The following CPEB2 variants were observed in gnomAD, a reference collection of about 807,000 sequenced individuals.
CPEB2 encodes cytoplasmic polyadenylation element binding protein 2, also known as cytoplasmic polyadenylation element-binding protein 2.
Under a neutral mutation model 93.6 loss-of-function variants are expected in CPEB2, and 56 were observed. The ratio of observed to expected loss-of-function variants is 0.60; its 90% CI spans 0.48 to 0.75. CPEB2 has a LOEUF of 0.75. CPEB2 is among the 30% of genes least tolerant of loss of function. The pLI, the probability that CPEB2 is intolerant of heterozygous loss-of-function variation, is 0.00. For missense variants in CPEB2, 1,579 were observed against 1,395.1 expected, an observed-to-expected ratio of 1.13 and a Z score of -2.10; for synonymous variants, 764 against 586.3, an observed-to-expected ratio of 1.30 and a Z score of -4.38.
In CPEB2 at chr4:15,004,331, AC is replaced by A; in HGVS notation, c.1660del (p.Gln554SerfsTer4). ...FLQQRNSYNH[H>X]QPLLKQSPWS... ...CAGCAGAGGAACTCCTATAACCACC[AC>A]CAGGTACGGCGGGCGGCGGCCTGGC... On this transcript the variant is annotated frameshift_variant, in exon 1 of 12. Coordinates refer to ENST00000538197, the MANE Select transcript of CPEB2 (RefSeq NM_001177382.2). LOFTEE classifies it high-confidence loss of function. 1 of 1,429,060 alleles carries A rather than the reference AC, an allele frequency of 7.0e-7. No individual in the cohort carries two copies. The highest frequency in any genetic ancestry group is 3.1e-5 in the East Asian group (1 of 32,072). The allele number at this position is 1,429,060 out of a possible 1,614,324, so 88.5% of individuals were successfully genotyped here. A position where few individuals can be genotyped will look rare whatever the true frequency, so the allele number is the denominator to read the frequency against.
At chr4:15,065,272 C>T (rs1729599084) in intron 11 of CPEB2, among the ~76,000 whole-genome samples, 1 of 151,998 alleles carries the variant, frequency 6.6e-6, no homozygotes, top group Non-Finnish European at 1.5e-5. Context: ...TATAGGCAAC[C>T]TTTACTTTAT....
chr4:15,040,140 A>G (rs1286172574), intron 5 of CPEB2, among the ~76,000 whole-genome samples: 1 of 152,132 alleles, frequency 6.6e-6, no homozygotes, highest in Non-Finnish European at 1.5e-5. Flanking sequence ...TTGGGATGCT[A>G]TTTACCGCAA....
chr4:15,024,084 C>T (rs1725145081), intron 4 of CPEB2, among the ~76,000 whole-genome samples: 1 of 151,948 alleles, frequency 6.6e-6, no homozygotes, highest in African/African-American at 2.4e-5. Flanking sequence ...ATTAATTCAT[C>T]CCAGTATTTA....
chr4:15,003,769 G>T lies in CPEB2; in HGVS notation c.1096G>T (p.Gly366Trp). 8.3e-7 allele frequency: 1 copy of T among 1,204,338 alleles called. No individual in the cohort carries two copies. The highest frequency in any genetic ancestry group is 1.0e-6 in the Non-Finnish European group (1 of 968,772). The allele number at this position is 1,204,338 out of a possible 1,614,324, so 74.6% of individuals were successfully genotyped here. Residue 366 changes from glycine (G) to tryptophan (W), a missense_variant, in exon 1 of 12, where the codon GGG (glycine) becomes TGG (tryptophan). Gly to Trp is a radical substitution (Grantham distance 184). This residue lies in a region of CPEB2 where 1,411 missense variants were observed against 1,056.0 expected (regional missense o/e 1.34). Coordinates refer to ENST00000538197, the MANE Select transcript of CPEB2 (RefSeq NM_001177382.2). ...GGGCGGGGGGCCCCCAGGAGGCGGA[G>T]GGGGAGGCGGCTCCGCGTCGCCGCC... is the stretch of plus-strand genomic sequence containing the variant. ...GGGGGPPGGG[G>W]GGGSASPPPL...
intron 5 of CPEB2, among the ~76,000 whole-genome samples, chr4:15,033,814 G>A (rs1726352144): frequency 6.6e-6 from 1 of 152,186 alleles, no homozygotes; most frequent in Non-Finnish European, 1.5e-5. Flanking sequence ...GATTGTGGGA[G>A]TAGAGATGGA....
intron 8 of CPEB2, among the ~76,000 whole-genome samples, chr4:15,057,799 A>G (rs1266324378): frequency 6.6e-6 from 1 of 152,184 alleles, no homozygotes; most frequent in East Asian, 1.9e-4. Flanking sequence ...ATTAAGGAAC[A>G]TGTTTCATTC....
intron 6 of CPEB2, among the ~76,000 whole-genome samples, chr4:15,045,330 G>A (rs942174458): frequency 1.3e-5 from 2 of 151,978 alleles, no homozygotes; most frequent in African/African-American, 4.8e-5. Context: ...TCATATGTAT[G>A]TATCAGTGCT....
chr4:15,009,004 G>A (rs941776249), intron 3 of CPEB2, among the ~76,000 whole-genome samples: 1 of 152,098 alleles, frequency 6.6e-6, no homozygotes, highest in Non-Finnish European at 1.5e-5. Context: ...CAAAAAGCTG[G>A]GAGTTAGCCT....
intron 4 of CPEB2, among the ~76,000 whole-genome samples, chr4:15,018,221 T>TG (rs1202810677): frequency 6.6e-6 from 1 of 151,848 alleles, no homozygotes; most frequent in African/African-American, 2.4e-5. Flanking sequence ...TTTCAAGATT[T>TG]GGCCTAAAAA....
In CPEB2 at chr4:15,017,201, T is replaced by C. The variant is rs1724263656; in HGVS notation, c.2048T>C (p.Met683Thr). The C allele has an allele frequency of 1.3e-6, 2 of 1,585,154 alleles. No homozygotes were observed. Among genetic ancestry groups the C allele is most frequent in the African/African-American group, 1.3e-5 (1 of 74,348 alleles). The change falls in exon 4 of 12, where the codon ATG becomes ACG. Residue 683 changes from methionine to threonine, a missense_variant. Around this residue, in one of 2 missense-constraint regions of CPEB2, gnomAD observed 1,411 missense variants for 1,056.0 expected, o/e 1.34. Transcript: ENST00000538197. ...TSRIDQDRSR[M>T]YDSLNMHSLE... ...CTTCTCTTCCAGGATCGAAGTAGAA[T>C]GTATGACAGTTTGAATATGCACTCT...
intron 6 of CPEB2, among the ~76,000 whole-genome samples, chr4:15,050,150 G>A (rs1728089742): frequency 2.6e-5 from 4 of 152,202 alleles, no homozygotes. Context: ...CAGGAGGTGA[G>A]TGGAGGGCAA....
At chr4:15,045,644 G>A (rs1727598189) in intron 6 of CPEB2, among the ~76,000 whole-genome samples, 1 of 152,064 alleles carries the variant, frequency 6.6e-6, no homozygotes, top group African/African-American at 2.4e-5. Flanking sequence ...CAAAACTGTA[G>A]TTTTAAATTG....
chr4:15,009,692 A>G (rs1047685849), intron 3 of CPEB2, among the ~76,000 whole-genome samples: 6 of 152,224 alleles, frequency 3.9e-5, no homozygotes, highest in African/African-American at 9.6e-5. Flanking sequence ...AAGCAATAGG[A>G]TGGATACATA....
At chr4:15,022,861 T>C (rs1339405588) in intron 4 of CPEB2, among the ~76,000 whole-genome samples, 1 of 152,094 alleles carries the variant, frequency 6.6e-6, no homozygotes, top group East Asian at 1.9e-4. Flanking sequence ...GATAAAAATG[T>C]GGTTGTGAAA....
At chr4:15,034,448 G>T (rs1726411237) in intron 5 of CPEB2, among the ~76,000 whole-genome samples, 3 of 152,168 alleles carry the variant, frequency 2.0e-5, no homozygotes, top group Admixed American at 6.5e-5. Context: ...TCATCACATG[G>T]CAGAAAGAAG....
intron 4 of CPEB2, among the ~76,000 whole-genome samples, chr4:15,020,148 A>C (rs1182718248): frequency 6.6e-6 from 1 of 152,130 alleles, no homozygotes; most frequent in Non-Finnish European, 1.5e-5. Context: ...AGTGAGTGAT[A>C]AAAGCTCAAA....
chr4:15,053,877 T>G (rs1728478034), intron 7 of CPEB2, among the ~76,000 whole-genome samples: 1 of 152,182 alleles, frequency 6.6e-6, no homozygotes, highest in Admixed American at 6.5e-5. Flanking sequence ...TTATATAAAA[T>G]TTTAAAATTC....
chr4:15,012,399 TAAAG>T (rs1362246484), intron 3 of CPEB2, among the ~76,000 whole-genome samples: 1 of 152,196 alleles, frequency 6.6e-6, no homozygotes, highest in African/African-American at 2.4e-5. Context: ...TCGAAATTAA[TAAAG>T]AAAATAAAAG....
intron 11 of CPEB2, among the ~76,000 whole-genome samples, chr4:15,065,676 A>G (rs1490042752): frequency 6.6e-6 from 1 of 152,072 alleles, no homozygotes; most frequent in Non-Finnish European, 1.5e-5. Context: ...AAGTCTAGGC[A>G]TGCCCTTTGT....
Sources: gnomAD v4.1 joint callset for allele counts (sites outside exome capture counted in the v4.1 genomes callset) on GRCh38, gnomAD v4.1.1 for gene constraint, gnomAD v4.1.1 regional missense constraint, MANE v1.5 for transcripts, NCBI Gene and HGNC (gene_info 2026-07-23, HGNC 2026-07-21) for gene names.